ASIC2: variants seen among roughly 807,000 people sequenced by gnomAD.
ASIC2 encodes acid sensing ion channel subunit 2.
In ASIC2, 25 loss-of-function variants were observed where a neutral mutation model predicts 57.3. The observed-to-expected ratio is 0.44, with a 90% CI of 0.32 to 0.61. The LOEUF (loss-of-function observed/expected upper bound fraction) is 0.61. ASIC2 is among the 20% of genes least tolerant of loss of function. The pLI, the probability that ASIC2 is intolerant of heterozygous loss-of-function variation, is 0.06. For missense variants in ASIC2, 641 were observed against 738.1 expected, an observed-to-expected ratio of 0.87 and a Z score of 1.52; for synonymous variants, 319 against 307.5, an observed-to-expected ratio of 1.04 and a Z score of -0.39.
chr17:33,727,418 G>A (rs1365290389), intron 1 of ASIC2, among the ~76,000 whole-genome samples: 1 of 152,170 alleles, frequency 6.6e-6, no homozygotes, highest in Non-Finnish European at 1.5e-5. Flanking sequence ...AATTTGCAGG[G>A]TGATATGGCT....
chr17:33,070,207 T>C (rs902934924), intron 3 of ASIC2, among the ~76,000 whole-genome samples: 8 of 152,224 alleles, frequency 5.3e-5, no homozygotes, highest in African/African-American at 1.9e-4. Flanking sequence ...CTTATACATA[T>C]GTTATAAAGT....
chr17:33,337,487 GT>G (rs143993476), intron 1 of ASIC2, among the ~76,000 whole-genome samples: 18,348 of 152,226 alleles, frequency 0.12, 1,159 homozygotes, highest in Middle Eastern at 0.18. Flanking sequence ...CTGTGACCTG[GT>G]GCCATTTCCT....
At chr17:33,720,142 A>T (rs1909342810) in intron 1 of ASIC2, among the ~76,000 whole-genome samples, 1 of 152,186 alleles carries the variant, frequency 6.6e-6, no homozygotes, top group South Asian at 2.1e-4. Flanking sequence ...AGCCTCCCAA[A>T]GCATTAGAAT....
At chr17:33,077,267 C>T (rs886170634) in intron 3 of ASIC2, among the ~76,000 whole-genome samples, 18 of 152,080 alleles carry the variant, frequency 1.2e-4, no homozygotes, top group Admixed American at 9.2e-4. Context: ...GCACATAAAT[C>T]GGGAGTGATG....
chr17:33,809,698 G>T (rs1261635958), intron 1 of ASIC2, among the ~76,000 whole-genome samples: 1 of 152,136 alleles, frequency 6.6e-6, no homozygotes, highest in Non-Finnish European at 1.5e-5. Flanking sequence ...ACTTATAAAT[G>T]GTGTGTTTAT....
intron 2 of ASIC2, among the ~76,000 whole-genome samples, chr17:33,101,705 C>G (rs961372436): frequency 2.6e-5 from 4 of 152,188 alleles, no homozygotes; most frequent in Non-Finnish European, 5.9e-5. Flanking sequence ...TTCCTTTCAC[C>G]CTCCAAATAT....
intron 1 of ASIC2, among the ~76,000 whole-genome samples, chr17:33,270,018 G>T (rs895007094): frequency 6.6e-6 from 1 of 152,066 alleles, no homozygotes; most frequent in African/African-American, 2.4e-5. Context: ...GTTGAATGAG[G>T]GAAGCCTCCT....
intron 1 of ASIC2, among the ~76,000 whole-genome samples, chr17:33,517,473 G>C (rs1414193142): frequency 6.6e-6 from 1 of 152,226 alleles, no homozygotes; most frequent in African/African-American, 2.4e-5. Context: ...TGGTTTCTGT[G>C]GGTCAGGAGT....
chr17:33,463,709 G>A (rs777401976), intron 1 of ASIC2, among the ~76,000 whole-genome samples: 4 of 152,210 alleles, frequency 2.6e-5, no homozygotes, highest in Non-Finnish European at 5.9e-5. Flanking sequence ...GCCCTCCTAT[G>A]ATTAGTGTCC....
At chr17:34,089,909 C>A (rs1293149234) in intron 1 of ASIC2, among the ~76,000 whole-genome samples, 1 of 152,140 alleles carries the variant, frequency 6.6e-6, no homozygotes, top group African/African-American at 2.4e-5. Flanking sequence ...CCCTTAATAC[C>A]AAACAGCTCC....
At chr17:33,160,958 A>T (rs1426346954) in intron 1 of ASIC2, among the ~76,000 whole-genome samples, 1 of 152,212 alleles carries the variant, frequency 6.6e-6, no homozygotes, top group Non-Finnish European at 1.5e-5. Flanking sequence ...AATTCAACAT[A>T]AAGGAGGTGA....
chr17:33,492,856 C>T (rs1016895325), intron 1 of ASIC2, among the ~76,000 whole-genome samples: 6 of 152,186 alleles, frequency 3.9e-5, no homozygotes, highest in Admixed American at 1.3e-4. Flanking sequence ...GCCCAGATAG[C>T]TACTTGGTGC....
In ASIC2 at chr17:33,101,028, C is replaced by T. The variant is rs1270858226; in HGVS notation, c.859+10889G>A. Among the ~76,000 whole-genome samples, 4 of 152,180 alleles carry T rather than the reference C, an allele frequency of 2.6e-5. No individual in the cohort carries two copies. In the East Asian group the frequency reaches 7.7e-4, roughly 29 times the overall value. ...TAGAGTCCTCGGACACCTGTGGAGT[C>T]CCTGTGTCCAGCACAGAGGCCCACT... is the stretch of plus-strand genomic sequence containing the variant. On this transcript the variant is annotated intron_variant, in intron 2 of 9. Coordinates refer to ENST00000225823, the MANE Select transcript of ASIC2 (RefSeq NM_183377.2).
At position 33,076,077 on chromosome 17, in the gene ASIC2, G is replaced by A. The variant is rs999127381; in HGVS notation, c.987+12786C>T. Among the ~76,000 whole-genome samples, 12 of 152,176 alleles carry A rather than the reference G, an allele frequency of 7.9e-5. 1 individual carries two copies. The highest frequency in any genetic ancestry group is 2.9e-4 in the African/African-American group (12 of 41,434). ...GAAGAATAGCATGGTGACTGGCACT[G>A]CTAGAACCTATGCCCTGCCCTCTTC... On this transcript the variant is annotated intron_variant, in intron 3 of 9. Transcript: ENST00000225823.
intron 1 of ASIC2, among the ~76,000 whole-genome samples, chr17:33,963,447 A>G (rs1289468216): frequency 1.3e-5 from 2 of 152,208 alleles, no homozygotes; most frequent in African/African-American, 4.8e-5. Context: ...ATGTCAGCAC[A>G]AAAAGGAAGC....
intron 1 of ASIC2, among the ~76,000 whole-genome samples, chr17:33,202,017 CAAAAAAA>C (rs55724157): frequency 1.1e-5 from 1 of 92,292 alleles, no homozygotes; most frequent in Non-Finnish European, 2.2e-5. Context: ...GAGACTGTCT[CAAAAAAA>C]AAAAAAAAAA....
intron 1 of ASIC2, among the ~76,000 whole-genome samples, chr17:34,131,784 G>A (rs1911973226): frequency 6.6e-6 from 1 of 152,170 alleles, no homozygotes; most frequent in Non-Finnish European, 1.5e-5. Context: ...CATTGCCGAG[G>A]CCCCCTGTCC....
intron 1 of ASIC2, among the ~76,000 whole-genome samples, chr17:33,439,069 C>T (rs953724865): frequency 6.6e-6 from 1 of 152,124 alleles, no homozygotes; most frequent in African/African-American, 2.4e-5. Flanking sequence ...GTCTCAAAAT[C>T]CTGGGCTCAG....
At chr17:33,023,499 A>T (rs899493779) in intron 6 of ASIC2, among the ~76,000 whole-genome samples, 6 of 151,968 alleles carry the variant, frequency 3.9e-5, no homozygotes, top group Non-Finnish European at 5.9e-5. Context: ...CAAAAAAAAA[A>T]AAAAGAAAAA....
Sources: allele counts gnomAD v4.1 joint callset (sites outside exome capture counted in the v4.1 genomes callset), GRCh38; gene constraint gnomAD v4.1.1; transcripts MANE v1.5; gene names NCBI Gene and HGNC (gene_info 2026-07-23, HGNC 2026-07-21).